CACNA2D3: variants seen among roughly 807,000 people sequenced by gnomAD.
CACNA2D3 encodes the protein calcium voltage-gated channel auxiliary subunit alpha2delta 3, also known as voltage-dependent calcium channel subunit alpha-2/delta-3.
A neutral mutation model predicts 160.6 loss-of-function variants in CACNA2D3; 60 were observed. The ratio of observed to expected loss-of-function variants is 0.37; its 90% CI spans 0.30 to 0.46. The LOEUF is 0.46. Ranked by LOEUF, CACNA2D3 falls within the 20% of genes least tolerant of loss-of-function variation. The probability of loss-of-function intolerance (pLI) is 1.00; values close to 1 mark genes in which losing one functional copy is unlikely to be tolerated. For missense variants in CACNA2D3, 1,205 were observed against 1,365.0 expected (o/e 0.88, Z 1.85); for synonymous variants, 558 against 492.9 (o/e 1.13, Z -1.75).
At chr3:54,327,857 A>G (rs1047840169) in intron 3 of CACNA2D3, among the ~76,000 whole-genome samples, 4 of 152,120 alleles carry the variant, frequency 2.6e-5, no homozygotes, top group African/African-American at 4.8e-5. Flanking sequence ...CTTCTAAAAC[A>G]TTGGATTATT....
At chr3:54,383,711 G>T (rs200138613) in intron 3 of CACNA2D3, among the ~76,000 whole-genome samples, 3 of 152,052 alleles carry the variant, frequency 2.0e-5, no homozygotes, top group Non-Finnish European at 2.9e-5. Flanking sequence ...AAAAAAAAAG[G>T]CAGGAGGCAA....
chr3:54,765,828 T>C (rs1702214189), intron 13 of CACNA2D3, among the ~76,000 whole-genome samples: 2 of 152,248 alleles, frequency 1.3e-5, no homozygotes, highest in African/African-American at 2.4e-5. Context: ...TATGGGGATT[T>C]AGTATATAAT....
intron 13 of CACNA2D3, among the ~76,000 whole-genome samples, chr3:54,794,554 T>G (rs1702828156): frequency 6.6e-6 from 1 of 152,134 alleles, no homozygotes; most frequent in Non-Finnish European, 1.5e-5. Context: ...AAGAATTTCC[T>G]TTAATTTTTC....
chr3:54,216,717 G>A (rs1371673803), intron 2 of CACNA2D3, among the ~76,000 whole-genome samples: 1 of 152,208 alleles, frequency 6.6e-6, no homozygotes, highest in Non-Finnish European at 1.5e-5. Context: ...CAGGAGTAAT[G>A]CATTAACTGT....
chr3:54,888,646 T>C (rs191314407), intron 24 of CACNA2D3, among the ~76,000 whole-genome samples: 1 of 152,338 alleles, frequency 6.6e-6, no homozygotes, highest in African/African-American at 2.4e-5. Flanking sequence ...TATATTTTCA[T>C]GTGTTACATG....
chr3:54,451,438 G>A (rs1700307250), intron 4 of CACNA2D3, among the ~76,000 whole-genome samples: 1 of 151,496 alleles, frequency 6.6e-6, no homozygotes, highest in African/African-American at 2.4e-5. Context: ...TTAAAACCTT[G>A]TTAGTCTTCT....
At chr3:54,920,612 C>T (rs1337061970) in intron 27 of CACNA2D3, among the ~76,000 whole-genome samples, 1 of 152,196 alleles carries the variant, frequency 6.6e-6, no homozygotes, top group Admixed American at 6.5e-5. Flanking sequence ...TGGACCATTT[C>T]ATTCCTCTGC....
rs1009684622 is a variant in CACNA2D3 at position 54,891,286 on chromosome 3, C to CTTA, written c.2151-68_2151-66dup. The CTTA allele has an allele frequency of 2.7e-5, 28 of 1,053,516 alleles. No individual in the cohort carries two copies. In the African/African-American group the frequency reaches 4.3e-4, roughly 16 times the overall value. 65.3% of individuals were successfully genotyped at this position (1,053,516 alleles called of 1,614,324 possible). ...TATTTGGTAAAAACATTCTGTGAGT[C>CTTA]TTAAAATGCAATGTATTATCTGCTT... On this transcript the variant is annotated intron_variant, in intron 24 of 37. Transcript: ENST00000474759.
At chr3:54,212,168 T>C (rs1336386231) in intron 2 of CACNA2D3, among the ~76,000 whole-genome samples, 1 of 152,218 alleles carries the variant, frequency 6.6e-6, no homozygotes, top group Non-Finnish European at 1.5e-5. Flanking sequence ...AGGTTAAGGA[T>C]GGACCCGTGA....
intron 2 of CACNA2D3, among the ~76,000 whole-genome samples, chr3:54,153,082 A>G (rs912405375): frequency 6.6e-6 from 1 of 152,204 alleles, no homozygotes; most frequent in African/African-American, 2.4e-5. Context: ...AGATTCTTCT[A>G]TATTGAGGAC....
intron 12 of CACNA2D3, among the ~76,000 whole-genome samples, chr3:54,756,472 G>C (rs1022160954): frequency 1.3e-5 from 2 of 152,166 alleles, no homozygotes; most frequent in African/African-American, 2.4e-5. Flanking sequence ...GATTGTTATA[G>C]TATGGAGGCA....
At chr3:55,014,337 A>C (rs899261972) in intron 34 of CACNA2D3, among the ~76,000 whole-genome samples, 7 of 152,106 alleles carry the variant, frequency 4.6e-5, no homozygotes, top group African/African-American at 1.7e-4. Context: ...CTCATTTTTC[A>C]CTTCTTGTAA....
At chr3:54,637,011 T>C (rs1401230845) in intron 10 of CACNA2D3, among the ~76,000 whole-genome samples, 1 of 151,688 alleles carries the variant, frequency 6.6e-6, no homozygotes, top group African/African-American at 2.4e-5. Flanking sequence ...GAGGGAGGTA[T>C]TGAGGATAGG....
intron 2 of CACNA2D3, among the ~76,000 whole-genome samples, chr3:54,271,462 A>G (rs1388229832): frequency 1.3e-5 from 2 of 152,152 alleles, no homozygotes; most frequent in East Asian, 1.9e-4. Context: ...CCTAAATGCT[A>G]TGATTCTCTG....
intron 9 of CACNA2D3, among the ~76,000 whole-genome samples, chr3:54,612,014 C>T (rs972865354): frequency 6.6e-6 from 1 of 152,156 alleles, no homozygotes; most frequent in South Asian, 2.1e-4. Flanking sequence ...GCCAATGCCC[C>T]CATGGTCTGT....
At chr3:54,571,152 G>A (rs896794184) in intron 8 of CACNA2D3, among the ~76,000 whole-genome samples, 1 of 152,142 alleles carries the variant, frequency 6.6e-6, no homozygotes, top group African/African-American at 2.4e-5. Context: ...AATTGGTTGA[G>A]TTTTTCTAAA....
chr3:54,287,536 G>A (rs1292727890), intron 2 of CACNA2D3, among the ~76,000 whole-genome samples: 6 of 148,216 alleles, frequency 4.0e-5, no homozygotes, highest in Non-Finnish European at 7.4e-5. Context: ...AAGTTAACAA[G>A]GATACCCAGG....
intron 13 of CACNA2D3, among the ~76,000 whole-genome samples, chr3:54,780,113 A>G (rs1702504376): frequency 6.6e-6 from 1 of 152,250 alleles, no homozygotes; most frequent in African/African-American, 2.4e-5. Flanking sequence ...GGCTTACAGA[A>G]GAAATAATAT....
intron 2 of CACNA2D3, among the ~76,000 whole-genome samples, chr3:54,279,053 C>T (rs988710589): frequency 2.6e-5 from 4 of 152,188 alleles, no homozygotes; most frequent in Non-Finnish European, 5.9e-5. Context: ...CTTTAATGTA[C>T]ACGGATCCTG....
Sources: gnomAD v4.1 joint callset for allele counts (sites outside exome capture counted in the v4.1 genomes callset) on GRCh38, gnomAD v4.1.1 for gene constraint, MANE v1.5 for transcripts, NCBI Gene and HGNC (gene_info 2026-07-23, HGNC 2026-07-21) for gene names.